C1orf198: variants seen among roughly 807,000 people sequenced by gnomAD.
C1orf198 encodes the protein chromosome 1 open reading frame 198.
A neutral mutation model predicts 31.4 loss-of-function variants in C1orf198; 17 were observed. The observed-to-expected ratio is 0.54, with a 90% CI of 0.37 to 0.81. The LOEUF (loss-of-function observed/expected upper bound fraction) is 0.81. C1orf198 is among the 40% of genes least tolerant of loss of function. The probability of loss-of-function intolerance (pLI) is 0.00; values close to 1 mark genes in which losing one functional copy is unlikely to be tolerated. For synonymous variants in C1orf198, 175 were observed against 193.8 expected, an observed-to-expected ratio of 0.90 and a Z score of 0.81; for missense variants, 401 against 450.3, an observed-to-expected ratio of 0.89 and a Z score of 0.99.
At position 230,868,263 on chromosome 1, in the gene C1orf198, C is replaced by A. The variant is rs1204207068; in HGVS notation, c.250G>T (p.Asp84Tyr). The A allele has an allele frequency of 1.3e-6, 2 of 1,578,206 alleles. No individual in the cohort carries two copies. Among genetic ancestry groups the A allele is most frequent in the Admixed American group, 3.6e-5 (2 of 55,960 alleles). ...LVGPRAPAPRDPGDSEELTRF... is the reference protein window; with the variant it reads ...LVGPRAPAPRYPGDSEELTRF... ...GTGAGCTCCTCCGAGTCCCCGGGGT[C>A]TCGGGGCGCCGGGGCGCGCGGCCCC... The change falls in exon 1 of 4, where the codon GAC becomes TAC. Residue 84 changes from aspartate (D) to tyrosine (Y), a missense_variant. Asp to Tyr is a radical substitution (Grantham distance 160). Transcript: ENST00000366663.
At chr1:230,852,422 A>C (rs1669770279) in intron 2 of C1orf198, among the ~76,000 whole-genome samples, 1 of 152,196 alleles carries the variant, frequency 6.6e-6, no homozygotes, top group Non-Finnish European at 1.5e-5. Context: ...GTCATTCTTT[A>C]ATGGGAACAG....
rs904509326 is a variant in C1orf198 at position 230,857,683 on chromosome 1, A to C, written c.334-1965T>G. On this transcript the variant is annotated intron_variant, in intron 1 of 3. Transcript: ENST00000366663. The surrounding 1 kb of genome is among the most constrained non-coding windows in gnomAD (Gnocchi z 4.2). Reference sequence around the variant, plus strand: ...TCAAAAGGCCAGAATCCAGGTCTTTATTTTCCCAGGACAGCATATAAAAGG... The same window carrying C: ...TCAAAAGGCCAGAATCCAGGTCTTTCTTTTCCCAGGACAGCATATAAAAGG... Among the ~76,000 whole-genome samples the C allele has an allele frequency of 2.0e-5, 3 of 152,202 alleles. No individual in the cohort carries two copies. The highest frequency in any genetic ancestry group is 4.4e-5 in the Non-Finnish European group (3 of 68,036).
intron 1 of C1orf198, among the ~76,000 whole-genome samples, chr1:230,859,357 C>A (rs190985861): frequency 7.6e-4 from 116 of 152,164 alleles, no homozygotes; most frequent in African/African-American, 2.5e-3. Flanking sequence ...GGCTTTCCCA[C>A]CCCCCTCTCT....
chr1:230,867,856 A>C (rs973854334), intron 1 of C1orf198, among the ~76,000 whole-genome samples: 3 of 152,164 alleles, frequency 2.0e-5, no homozygotes, highest in African/African-American at 7.2e-5. Context: ...CTGGTTTAAA[A>C]TTGCTTGTTG....
At position 230,843,505 on chromosome 1, in the gene C1orf198, C is replaced by T. The variant is rs1228890337; in HGVS notation, c.776G>A (p.Ser259Asn). The change falls in exon 3 of 4, where the codon AGC (serine) becomes AAC (asparagine). Residue 259 changes from serine (S) to asparagine (N), a missense_variant. Physicochemically the swap from Ser to Asn is conservative, Grantham distance 46. Transcript: ENST00000366663. The surrounding 1 kb of genome is among the most constrained non-coding windows in gnomAD (Gnocchi z 4.9). ...RQEQRPLPNV[S>N]TERERPQPVQ... The stretch of plus-strand genomic sequence containing the variant: ...AGGCTGGGGTCTCTCACGTTCGGTG[C>T]TCACGTTGGGAAGAGGACGCTGCTC... 26 of 1,612,124 alleles carry T rather than the reference C, an allele frequency of 1.6e-5. No individual in the cohort carries two copies. Among genetic ancestry groups the T allele is most frequent in the Non-Finnish European group, 2.1e-5 (25 of 1,178,950 alleles).
chr1:230,854,831 A>G (rs1311286365), intron 2 of C1orf198, among the ~76,000 whole-genome samples: 1 of 152,174 alleles, frequency 6.6e-6, no homozygotes, highest in Non-Finnish European at 1.5e-5. Flanking sequence ...GGCTCTGATC[A>G]GCAATGATGT....
At chr1:230,854,804 T>C (rs1202568) in intron 2 of C1orf198, among the ~76,000 whole-genome samples, 103,709 of 151,952 alleles carry the variant, frequency 0.68, 35,670 homozygotes, top group South Asian at 0.79. Flanking sequence ...TCCTCATAGG[T>C]CTCCTGCTGG....
chr1:230,855,758 CA>C, intron 1 of C1orf198, 40 bp from the exon 2 acceptor site: 1 of 1,608,188 alleles, frequency 6.2e-7, no homozygotes, highest in African/African-American at 1.3e-5. Context: ...AATTCAAACC[CA>C]GACATACCCC....
intron 1 of C1orf198, among the ~76,000 whole-genome samples, chr1:230,858,183 G>T (rs976484807): frequency 6.6e-6 from 1 of 152,030 alleles, no homozygotes; most frequent in Middle Eastern, 3.2e-3. Flanking sequence ...CAGCTCTAGG[G>T]GGCTCCTTGT....
In C1orf198 at chr1:230,857,229, A is replaced by C. The variant is rs368838212; in HGVS notation, c.334-1511T>G. Reference sequence around the variant, plus strand: ...GGAAGGAAGTGTGTGATGACTCCCCAGCACAGCCCAAGCACGGCCAACCCT... The same window carrying C: ...GGAAGGAAGTGTGTGATGACTCCCCCGCACAGCCCAAGCACGGCCAACCCT... On this transcript the variant is annotated intron_variant, in intron 1 of 3. Coordinates refer to ENST00000366663, the MANE Select transcript of C1orf198 (RefSeq NM_032800.3). This position sits in a 1 kb window ranked among gnomAD's most constrained non-coding sequence, Gnocchi z 4.2. Among the ~76,000 whole-genome samples, 5 of 152,304 alleles carry C rather than the reference A, an allele frequency of 3.3e-5. No individual in the cohort carries two copies. The South Asian group carries it at 6.2e-4, about 19-fold the overall frequency.
Position 230,837,208 on chromosome 1 carries a change from A to G in C1orf198, c.*2644T>C, listed in dbSNP as rs1175672642. On this transcript the variant is annotated 3_prime_UTR_variant, in exon 4 of 4. Coordinates refer to ENST00000366663, the MANE Select transcript of C1orf198 (RefSeq NM_032800.3). Reference sequence around the variant, plus strand: ...CAGTAAGAATTTATTACTTTTGAAAATGTTAATTAAAGAAAGGGAGACGCA... The same window carrying G: ...CAGTAAGAATTTATTACTTTTGAAAGTGTTAATTAAAGAAAGGGAGACGCA... 1 of 152,672 alleles carries G rather than the reference A, an allele frequency of 6.5e-6. No homozygotes were observed. Among genetic ancestry groups the G allele is most frequent in the Non-Finnish European group, 1.5e-5 (1 of 68,050 alleles). The allele number at this position is 152,672 out of a possible 1,614,324, so 9.5% of individuals were successfully genotyped here.
chr1:230,853,016 G>T (rs1376250702), intron 2 of C1orf198, among the ~76,000 whole-genome samples: 1 of 152,106 alleles, frequency 6.6e-6, no homozygotes, highest in African/African-American at 2.4e-5. Context: ...AGAAGTCCAG[G>T]CTGGCTTGCT....
intron 2 of C1orf198, among the ~76,000 whole-genome samples, chr1:230,851,652 C>T (rs141154625): frequency 2.0e-5 from 3 of 152,340 alleles, no homozygotes; most frequent in African/African-American, 7.2e-5. Context: ...ACGACCACCC[C>T]CACCCTTCTG....
intron 2 of C1orf198, among the ~76,000 whole-genome samples, chr1:230,848,957 C>G (rs1368691244): frequency 6.6e-6 from 1 of 152,220 alleles, no homozygotes; most frequent in Non-Finnish European, 1.5e-5. Flanking sequence ...GGACCTCATT[C>G]TACCCAGGGG....
chr1:230,855,962 C>G, intron 1 of C1orf198: 1 of 1,299,122 alleles, frequency 7.7e-7, no homozygotes, highest in Admixed American at 3.5e-5. Context: ...CAGGGAATGC[C>G]GGTGAGGCCC....
At chr1:230,842,193 G>A (rs1226519498) in intron 3 of C1orf198, among the ~76,000 whole-genome samples, 1 of 152,182 alleles carries the variant, frequency 6.6e-6, no homozygotes, top group Non-Finnish European at 1.5e-5. Context: ...GATGAAAGGA[G>A]TTCTGGAGAT....
At chr1:230,865,874 GAT>G (rs1187445193) in intron 1 of C1orf198, among the ~76,000 whole-genome samples, 12 of 152,330 alleles carry the variant, frequency 7.9e-5, no homozygotes, top group Admixed American at 6.5e-4. Flanking sequence ...TGCTATGTGA[GAT>G]AGAAAAACAT....
At position 230,840,442 on chromosome 1, in the gene C1orf198, C is replaced by T. The variant is rs113111071; in HGVS notation, c.928-534G>A. Among the ~76,000 whole-genome samples, 3,892 of 152,270 alleles carry T rather than the reference C, an allele frequency of 0.026. 104 individuals are homozygous for T. Among genetic ancestry groups the T allele is most frequent in the African/African-American group, 0.07 (2,908 of 41,538 alleles). On this transcript the variant is annotated intron_variant, in intron 3 of 3. Coordinates refer to ENST00000366663, the MANE Select transcript of C1orf198 (RefSeq NM_032800.3). This position sits in a 1 kb window ranked among gnomAD's most constrained non-coding sequence, Gnocchi z 4.0. Reference sequence around the variant, plus strand: ...CTAAGCTCAGCCTCCGGGGCTCAAGCGATCCTCTTGCCTCGGCCTCCCACG... The same window carrying T: ...CTAAGCTCAGCCTCCGGGGCTCAAGTGATCCTCTTGCCTCGGCCTCCCACG...
At chr1:230,852,741 T>C (rs1669776274) in intron 2 of C1orf198, among the ~76,000 whole-genome samples, 1 of 152,114 alleles carries the variant, frequency 6.6e-6, no homozygotes, top group Non-Finnish European at 1.5e-5. Context: ...GAGTGATTAA[T>C]TAAAAATGGA....
Sources: allele counts gnomAD v4.1 joint callset (sites outside exome capture counted in the v4.1 genomes callset), GRCh38; gene constraint gnomAD v4.1.1; non-coding constraint Gnocchi (gnomAD v3.1); transcripts MANE v1.5; gene names NCBI Gene and HGNC (gene_info 2026-07-23, HGNC 2026-07-21).